NALF1: variants seen among roughly 807,000 people sequenced by gnomAD.
The protein encoded by NALF1 is family with sequence similarity 155 member A.
In NALF1, 3 loss-of-function variants were observed where a neutral mutation model predicts 48.4. That is an observed-to-expected ratio of 0.06 (90% CI 0.03 to 0.16). NALF1 has a LOEUF of 0.16. NALF1 is among the 10% of genes least tolerant of loss of function. The pLI is 1.00. For synonymous variants in NALF1, 262 were observed against 245.7 expected, an observed-to-expected ratio of 1.07 and a Z score of -0.62; for missense variants, 526 against 571.5, an observed-to-expected ratio of 0.92 and a Z score of 0.81.
chr13:107,773,680 G>C (rs964249121), intron 1 of NALF1, among the ~76,000 whole-genome samples: 5 of 130,652 alleles, frequency 3.8e-5, no homozygotes, highest in African/African-American at 1.5e-4. Flanking sequence ...ATTGAACAAT[G>C]AGAACACATG....
At chr13:107,776,371 G>A (rs914233904) in intron 1 of NALF1, among the ~76,000 whole-genome samples, 17 of 152,112 alleles carry the variant, frequency 1.1e-4, no homozygotes, top group African/African-American at 3.6e-4. Context: ...TCAAAGTGTG[G>A]CAGTGAGAAG....
chr13:107,651,502 G>A (rs1880450495), intron 1 of NALF1, among the ~76,000 whole-genome samples: 1 of 152,176 alleles, frequency 6.6e-6, no homozygotes, highest in Non-Finnish European at 1.5e-5. Context: ...AACTATGTTT[G>A]AAAGTATTAA....
intron 1 of NALF1, among the ~76,000 whole-genome samples, chr13:107,779,593 T>C (rs1257388610): frequency 6.6e-6 from 1 of 152,188 alleles, no homozygotes; most frequent in Non-Finnish European, 1.5e-5. Flanking sequence ...GCCAAACCAT[T>C]CTAGCTGACA....
intron 1 of NALF1, among the ~76,000 whole-genome samples, chr13:107,505,932 G>C (rs1302781347): frequency 6.6e-6 from 1 of 152,068 alleles, no homozygotes; most frequent in Non-Finnish European, 1.5e-5. Flanking sequence ...GGTTTGCCTC[G>C]TGACAGATAA....
At chr13:107,428,902 T>C (rs1884327342) in intron 1 of NALF1, among the ~76,000 whole-genome samples, 1 of 152,218 alleles carries the variant, frequency 6.6e-6, no homozygotes, top group African/African-American at 2.4e-5. Context: ...AGTGAATCAT[T>C]AGACAGTCAA....
At chr13:107,418,499 G>A (rs1446180836) in intron 1 of NALF1, among the ~76,000 whole-genome samples, 1 of 152,084 alleles carries the variant, frequency 6.6e-6, no homozygotes, top group Non-Finnish European at 1.5e-5. Context: ...CGGTTGCTAA[G>A]TTTTGAGATT....
Position 107,254,408 on chromosome 13 carries a change from T to A in NALF1, c.916-43653A>T, listed in dbSNP as rs115163462. Among the ~76,000 whole-genome samples, 1,092 of 152,310 alleles carry A rather than the reference T, an allele frequency of 7.2e-3. 13 individuals carry two copies. Among genetic ancestry groups the A allele is most frequent in the African/African-American group, 0.025 (1,041 of 41,564 alleles). On this transcript the variant is annotated intron_variant, in intron 1 of 2. Transcript: ENST00000375915. The stretch of plus-strand genomic sequence containing the variant: ...GACATTGCATGGAGATGGCACGATC[T>A]GCAGGGCTGGAGGAACTTTGTTCGT...
At chr13:107,659,833 TG>T (rs1880681550) in intron 1 of NALF1, among the ~76,000 whole-genome samples, 1 of 151,096 alleles carries the variant, frequency 6.6e-6, no homozygotes, top group African/African-American at 2.4e-5. Flanking sequence ...TTTTTTGAGA[TG>T]TAGTCTCGCT....
At chr13:107,395,435 A>G (rs539476072) in intron 1 of NALF1, among the ~76,000 whole-genome samples, 2 of 152,236 alleles carry the variant, frequency 1.3e-5, no homozygotes, top group South Asian at 2.1e-4. Flanking sequence ...ACCTCTTCAG[A>G]GCTTCCCAGG....
intron 1 of NALF1, among the ~76,000 whole-genome samples, chr13:107,534,495 T>A (rs567261493): frequency 6.6e-6 from 1 of 152,302 alleles, no homozygotes; most frequent in African/African-American, 2.4e-5. Context: ...AGTTCAGGTG[T>A]ACATATGCAG....
chr13:107,281,208 C>T (rs1211018300), intron 1 of NALF1, among the ~76,000 whole-genome samples: 2 of 152,066 alleles, frequency 1.3e-5, no homozygotes, highest in African/African-American at 2.4e-5. Context: ...AAGGGACTCA[C>T]AATATATTAG....
Position 107,607,325 on chromosome 13 carries a change from A to T in NALF1, c.915+258357T>A, listed in dbSNP as rs566421797. The stretch of plus-strand genomic sequence containing the variant: ...TTAAATAAATGAAAGATTATAAATA[A>T]GCAAGCCAACATTTAATTCACAAGC... On this transcript the variant is annotated intron_variant, in intron 1 of 2. Coordinates refer to ENST00000375915, the MANE Select transcript of NALF1 (RefSeq NM_001080396.3). Among the ~76,000 whole-genome samples the T allele has an allele frequency of 1.2e-3, 185 of 152,370 alleles. 1 individual carries two copies. The highest frequency in any genetic ancestry group is 3.8e-3 in the African/African-American group (157 of 41,584).
chr13:107,372,188 C>T (rs931369457), intron 1 of NALF1, among the ~76,000 whole-genome samples: 1 of 152,238 alleles, frequency 6.6e-6, no homozygotes, highest in Non-Finnish European at 1.5e-5. Context: ...CTTTCAGACT[C>T]ACACAATTTC....
chr13:107,719,268 G>A (rs1426019020), intron 1 of NALF1, among the ~76,000 whole-genome samples: 2 of 152,082 alleles, frequency 1.3e-5, no homozygotes, highest in East Asian at 1.9e-4. Flanking sequence ...GAATTTTCTA[G>A]TATTTAATCT....
At chr13:107,335,582 CT>C (rs1218609510) in intron 1 of NALF1, among the ~76,000 whole-genome samples, 2 of 152,178 alleles carry the variant, frequency 1.3e-5, no homozygotes, top group African/African-American at 4.8e-5. Context: ...ATGTTTGTGA[CT>C]TTTTCATGGC....
intron 1 of NALF1, among the ~76,000 whole-genome samples, chr13:107,762,052 A>G (rs1480373097): frequency 1.3e-5 from 2 of 152,196 alleles, no homozygotes; most frequent in Admixed American, 6.5e-5. Context: ...TGTGTACCCA[A>G]GGGCACACAA....
intron 1 of NALF1, among the ~76,000 whole-genome samples, chr13:107,828,223 T>A (rs1374321081): frequency 2.0e-5 from 3 of 152,172 alleles, no homozygotes; most frequent in Non-Finnish European, 4.4e-5. Context: ...TGAGTGAAGG[T>A]CCCTTTTAGT....
chr13:107,664,381 T>C (rs1880804513), intron 1 of NALF1, among the ~76,000 whole-genome samples: 1 of 152,178 alleles, frequency 6.6e-6, no homozygotes, highest in Non-Finnish European at 1.5e-5. Context: ...CTAACTGATC[T>C]CTACTGACAC....
At chr13:107,851,557 G>A (rs143182902) in intron 1 of NALF1, among the ~76,000 whole-genome samples, 4 of 151,584 alleles carry the variant, frequency 2.6e-5, no homozygotes, top group African/African-American at 7.3e-5. Flanking sequence ...TTACTATTTT[G>A]TAATTATCTG....
Sources: gnomAD v4.1 joint callset for allele counts (sites outside exome capture counted in the v4.1 genomes callset) on GRCh38, gnomAD v4.1.1 for gene constraint, MANE v1.5 for transcripts, NCBI Gene and HGNC (gene_info 2026-07-23, HGNC 2026-07-21) for gene names.